Variants in CACNA2D3 observed in about 807,000 individuals in gnomAD.
CACNA2D3 encodes the protein calcium voltage-gated channel auxiliary subunit alpha2delta 3.
CACNA2D3 carries 60 observed loss-of-function variants against 160.6 expected under a neutral mutation model. That is an observed-to-expected ratio of 0.37 (90% CI 0.30 to 0.46). The LOEUF (loss-of-function observed/expected upper bound fraction) is 0.46. CACNA2D3 is among the 20% of genes least tolerant of loss of function. The pLI is 1.00. For missense variants in CACNA2D3, 1,205 were observed against 1,365.0 expected, an observed-to-expected ratio of 0.88 and a Z score of 1.85; for synonymous variants, 558 against 492.9, an observed-to-expected ratio of 1.13 and a Z score of -1.75.
intron 2 of CACNA2D3, among the ~76,000 whole-genome samples, chr3:54,245,081 A>G (rs186793562): frequency 6.6e-6 from 1 of 152,362 alleles, no homozygotes; most frequent in East Asian, 1.9e-4. Context: ...ACCTGTTGTC[A>G]TAATTATTAA....
intron 2 of CACNA2D3, among the ~76,000 whole-genome samples, chr3:54,319,333 T>C (rs1703939392): frequency 1.3e-5 from 2 of 152,152 alleles, no homozygotes; most frequent in Admixed American, 1.3e-4. Context: ...TAATACATTT[T>C]CCTTTTCACA....
rs1385734300 is a variant in CACNA2D3 at position 55,061,367 on chromosome 3, G to T, written c.2988-12078G>T. On this transcript the variant is annotated intron_variant, in intron 35 of 37. Transcript: ENST00000474759. ...TTGGCAGGCCATCCAGGGTAAACCG[G>T]GTGTGAGCCATGCTTATGGCTTCTA... Among the ~76,000 whole-genome samples, 9 of 152,178 alleles carry T rather than the reference G, an allele frequency of 5.9e-5. 1 individual carries two copies. The highest frequency in any genetic ancestry group is 2.2e-4 in the African/African-American group (9 of 41,446).
intron 17 of CACNA2D3, among the ~76,000 whole-genome samples, chr3:54,862,137 A>G (rs1383676444): frequency 6.6e-6 from 1 of 152,200 alleles, no homozygotes; most frequent in African/African-American, 2.4e-5. Context: ...CAAAGTGGTC[A>G]CATACATATT....
At chr3:54,670,190 A>G (rs1208854178) in intron 11 of CACNA2D3, among the ~76,000 whole-genome samples, 1 of 152,102 alleles carries the variant, frequency 6.6e-6, no homozygotes, top group East Asian at 1.9e-4. Context: ...TGATTTGGAC[A>G]TACATTTTCC....
intron 35 of CACNA2D3, among the ~76,000 whole-genome samples, chr3:55,041,728 T>C (rs1406565693): frequency 6.6e-6 from 1 of 152,192 alleles, no homozygotes; most frequent in East Asian, 1.9e-4. Context: ...TTGCTTTTTT[T>C]CTAGTTTCTT....
At chr3:54,397,446 A>T (rs200975948) in intron 4 of CACNA2D3, among the ~76,000 whole-genome samples, 1 of 79,612 alleles carries the variant, frequency 1.3e-5, no homozygotes, top group African/African-American at 5.7e-5. Context: ...TTTCTCTTGT[A>T]GGCATTTAGT....
At chr3:54,643,623 A>G (rs1187693651) in intron 11 of CACNA2D3, among the ~76,000 whole-genome samples, 1 of 152,246 alleles carries the variant, frequency 6.6e-6, no homozygotes, top group Non-Finnish European at 1.5e-5. Flanking sequence ...ACAGGGTTAT[A>G]TTAGATGTCA....
intron 3 of CACNA2D3, among the ~76,000 whole-genome samples, chr3:54,361,787 T>C (rs928275433): frequency 1.3e-5 from 2 of 152,164 alleles, no homozygotes; most frequent in Non-Finnish European, 2.9e-5. Context: ...GCGAAAGTTA[T>C]CCAGAGAGAG....
intron 34 of CACNA2D3, 87 bp downstream of exon 34, chr3:55,009,530 A>C: frequency 3.2e-6 from 4 of 1,248,226 alleles, no homozygotes; most frequent in African/African-American, 1.5e-5. Context: ...GTGCTGGCTC[A>C]CAGAAAATTC....
intron 5 of CACNA2D3, among the ~76,000 whole-genome samples, chr3:54,559,382 T>G (rs1702289464): frequency 6.6e-6 from 1 of 152,108 alleles, no homozygotes; most frequent in South Asian, 2.1e-4. Context: ...AACCTCCGCC[T>G]CCCAGGTTCA....
chr3:54,620,405 A>G (rs751222209), intron 9 of CACNA2D3, among the ~76,000 whole-genome samples: 42 of 152,304 alleles, frequency 2.8e-4, no homozygotes, highest in Non-Finnish European at 4.0e-4. Context: ...CTGTAGCAGC[A>G]CACCAGAATT....
chr3:55,001,149 G>A (rs913137318), intron 31 of CACNA2D3, among the ~76,000 whole-genome samples: 7 of 152,094 alleles, frequency 4.6e-5, no homozygotes, highest in Non-Finnish European at 2.9e-5. Flanking sequence ...ATTGCCTTCC[G>A]CTAAGAAGCC....
intron 11 of CACNA2D3, among the ~76,000 whole-genome samples, chr3:54,652,994 GC>G (rs1699804606): frequency 6.6e-6 from 1 of 152,152 alleles, no homozygotes; most frequent in South Asian, 2.1e-4. Flanking sequence ...TGTTGGTCAG[GC>G]TGGTCTTGAA....
chr3:54,345,845 TA>T (rs1553630984), intron 3 of CACNA2D3, among the ~76,000 whole-genome samples: 15 of 151,084 alleles, frequency 9.9e-5, no homozygotes, highest in Non-Finnish European at 1.6e-4. Context: ...TTTTTTTTTT[TA>T]AAAAAATTGC....
chr3:54,739,716 C>T (rs578129724), intron 11 of CACNA2D3, among the ~76,000 whole-genome samples: 5 of 150,326 alleles, frequency 3.3e-5, no homozygotes, highest in Non-Finnish European at 5.9e-5. Context: ...GCAGTAGCGA[C>T]CCAGTTCTGG....
intron 3 of CACNA2D3, among the ~76,000 whole-genome samples, chr3:54,362,862 G>A (rs1048279363): frequency 2.6e-4 from 39 of 152,182 alleles, no homozygotes. Context: ...CAATGAGATG[G>A]GAACAGAAAT....
chr3:54,749,293 C>G (rs1004473294), intron 11 of CACNA2D3, among the ~76,000 whole-genome samples: 1 of 152,172 alleles, frequency 6.6e-6, no homozygotes. Context: ...GCCCACTACA[C>G]GAATGTACCA....
chr3:54,566,035 A>AC (rs1242366254), intron 6 of CACNA2D3, among the ~76,000 whole-genome samples: 3 of 152,118 alleles, frequency 2.0e-5, no homozygotes, highest in Non-Finnish European at 4.4e-5. Flanking sequence ...ATCAAACTCC[A>AC]CCAGATCTGT....
At chr3:54,532,373 T>C (rs980840438) in intron 5 of CACNA2D3, among the ~76,000 whole-genome samples, 3 of 152,194 alleles carry the variant, frequency 2.0e-5, no homozygotes, top group Non-Finnish European at 4.4e-5. Context: ...CATGGATACA[T>C]TGAGTAGTGG....
Sources: gnomAD v4.1 joint callset for allele counts (sites outside exome capture counted in the v4.1 genomes callset) on GRCh38, gnomAD v4.1.1 for gene constraint, MANE v1.5 for transcripts, NCBI Gene and HGNC (gene_info 2026-07-23, HGNC 2026-07-21) for gene names.